The following ANK1 variants were observed in gnomAD, a reference collection of about 807,000 sequenced individuals.
ANK1 encodes the protein ankyrin-1.
In ANK1, 51 loss-of-function variants were observed where a neutral mutation model predicts 210.4. The observed-to-expected ratio is 0.24, with a 90% CI of 0.19 to 0.31. ANK1 has a LOEUF of 0.31. Ranked by LOEUF, ANK1 falls within the 10% of genes least tolerant of loss-of-function variation. The probability of loss-of-function intolerance (pLI) is 1.00; values close to 1 mark genes in which losing one functional copy is unlikely to be tolerated. For synonymous variants in ANK1, 967 were observed against 1,025.9 expected, an observed-to-expected ratio of 0.94 and a Z score of 1.10; for missense variants, 2,051 against 2,504.4, an observed-to-expected ratio of 0.82 and a Z score of 3.86.
chr8:41,696,500 C>G lies in ANK1; in HGVS notation c.2823G>C (p.Arg941=). 1 of 1,613,550 alleles carries G rather than the reference C, an allele frequency of 6.2e-7. No homozygotes were observed. The highest frequency in any genetic ancestry group is 8.5e-7 in the Non-Finnish European group (1 of 1,179,992). ...TGATGCGGGTGGGCGCTGCGCACGT[C>G]CGTGGCGGGATCACCACTCGCAGGC... ...HNGLRVVIPP[R]TCAAPTRITC... is the part of the protein sequence containing the mutation. The change falls in exon 26 of 43, where the codon CGG becomes CGC. Residue 941 remains arginine (R), a synonymous_variant. Coordinates refer to ENST00000289734, the MANE Select transcript of ANK1 (RefSeq NM_000037.4).
intron 37 of ANK1, 78 bp downstream of exon 37, chr8:41,684,466 G>T (rs760190588): frequency 1.3e-6 from 2 of 1,588,210 alleles, no homozygotes; most frequent in Non-Finnish European, 1.7e-6. Flanking sequence ...ATGACGTATT[G>T]TGGGAAGGGG....
intron 9 of ANK1, among the ~76,000 whole-genome samples, chr8:41,721,436 C>T (rs1829227641): frequency 6.6e-6 from 1 of 152,078 alleles, no homozygotes; most frequent in East Asian, 1.9e-4. Flanking sequence ...GTGGGCAGAT[C>T]ACTTGAGGCC....
At chr8:41,807,176 C>G (rs1247952819) in intron 1 of ANK1, among the ~76,000 whole-genome samples, 3 of 152,142 alleles carry the variant, frequency 2.0e-5, no homozygotes, top group Non-Finnish European at 4.4e-5. Context: ...CAGACACGGT[C>G]TAGAGTTTTG....
At chr8:41,876,767 C>A (rs534337092) in intron 1 of ANK1, among the ~76,000 whole-genome samples, 38 of 152,290 alleles carry the variant, frequency 2.5e-4, no homozygotes, top group African/African-American at 8.4e-4. Context: ...GGAATGGTAA[C>A]CCCTCATCTG....
At chr8:41,700,853 C>T (rs1036686370) in intron 22 of ANK1, among the ~76,000 whole-genome samples, 5 of 152,270 alleles carry the variant, frequency 3.3e-5, no homozygotes, top group African/African-American at 7.2e-5. Flanking sequence ...GCCTCAAGCT[C>T]CTGGACTCAA....
Position 41,704,577 on chromosome 8 carries a change from C to T in ANK1, c.2098-105G>A, listed in dbSNP as rs1824045204. Reference sequence around the variant, plus strand: ...CAAAGAGAGAACGGACAGGGAGCCCCTTGAAGGCTGACATTGACAAGCTGA... The same window carrying T: ...CAAAGAGAGAACGGACAGGGAGCCCTTTGAAGGCTGACATTGACAAGCTGA... On this transcript the variant is annotated intron_variant, in intron 18 of 42. Coordinates refer to ENST00000289734, the MANE Select transcript of ANK1 (RefSeq NM_000037.4). This position sits in a 1 kb window ranked among gnomAD's most constrained non-coding sequence, Gnocchi z 4.1. 3.0e-6 allele frequency: 3 copies of T among 1,000,684 alleles called. No homozygotes were observed. The highest frequency in any genetic ancestry group is 1.3e-5 in the South Asian group (1 of 75,398). 62.0% of individuals were successfully genotyped at this position (1,000,684 alleles called of 1,614,324 possible). A position where few individuals can be genotyped will look rare whatever the true frequency, so the allele number is the denominator to read the frequency against.
At chr8:41,751,015 T>A (rs1374293677) in intron 2 of ANK1, among the ~76,000 whole-genome samples, 1 of 152,188 alleles carries the variant, frequency 6.6e-6, no homozygotes, top group Non-Finnish European at 1.5e-5. Flanking sequence ...CAGTGGAACA[T>A]CCATGTCAAT....
chr8:41,812,655 G>T (rs1373617023), intron 1 of ANK1, among the ~76,000 whole-genome samples: 3 of 152,208 alleles, frequency 2.0e-5, no homozygotes, highest in African/African-American at 7.2e-5. Flanking sequence ...ATATACCAGA[G>T]AATAGCGGTC....
Position 41,727,926 on chromosome 8 carries a change from G to A in ANK1, c.309C>T (p.Asn103=), listed in dbSNP as rs778974540. ...VVRELVNYGA[N]VNAQSQKGFT... ...CCATTACCTGTGACTGGGCGTTGAC[G>A]TTGGCTCCATAGTTGACAAGCTCCC... Residue 103 remains asparagine (N), a synonymous_variant, in exon 4 of 43, where the codon AAC becomes AAT. Transcript: ENST00000289734. 3.1e-6 allele frequency: 5 copies of A among 1,614,048 alleles called. No individual in the cohort carries two copies. In the East Asian group the frequency reaches 8.9e-5, roughly 29 times the overall value.
chr8:41,883,533 C>T (rs1817956872), intron 1 of ANK1, among the ~76,000 whole-genome samples: 1 of 152,158 alleles, frequency 6.6e-6, no homozygotes, highest in Non-Finnish European at 1.5e-5. Flanking sequence ...AATCATAGTT[C>T]ACTGCAGCCT....
rs780120594 is a variant in ANK1, at chr8:41,714,175, G to C, written c.1781C>G (p.Ser594Cys). ...IVKLLLPRGG[S>C]PHSPAWNGYT... ...CCTTACCCAGGCAGGGCTGTGCGGG[G>C]AGCCGCCCCGGGGAAGCAGCAGCTT... The change falls in exon 16 of 43, where the codon TCC (serine) becomes TGC (cysteine). Residue 594 changes from serine (S) to cysteine (C), a missense_variant. By Grantham distance (112) the Ser-to-Cys change is moderately radical. This residue lies in a region of ANK1 where 1,413 missense variants were observed against 1,707.4 expected (regional missense o/e 0.83). Transcript: ENST00000289734. 1 of 1,448,238 alleles carries C rather than the reference G, an allele frequency of 6.9e-7. No individual in the cohort carries two copies. The highest frequency in any genetic ancestry group is 9.2e-7 in the Non-Finnish European group (1 of 1,084,142). 89.7% of individuals were successfully genotyped at this position (1,448,238 alleles called of 1,614,324 possible). A position where few individuals can be genotyped will look rare whatever the true frequency, so the allele number is the denominator to read the frequency against.
intron 9 of ANK1, among the ~76,000 whole-genome samples, chr8:41,721,939 T>A (rs1466771053): frequency 6.6e-6 from 1 of 152,202 alleles, no homozygotes; most frequent in Non-Finnish European, 1.5e-5. Context: ...AAACAAAAAA[T>A]CTTAACTTCT....
chr8:41,712,761 T>C (rs1826501065), intron 16 of ANK1, among the ~76,000 whole-genome samples: 1 of 152,226 alleles, frequency 6.6e-6, no homozygotes, highest in Admixed American at 6.5e-5. Context: ...AACTATTTTT[T>C]GCCATGGAAA....
intron 1 of ANK1, among the ~76,000 whole-genome samples, chr8:41,852,740 TG>T (rs1811492745): frequency 6.6e-6 from 1 of 152,216 alleles, no homozygotes. Context: ...ACGCCACTGG[TG>T]GGTGTTGGAG....
intron 1 of ANK1, among the ~76,000 whole-genome samples, chr8:41,841,103 A>C (rs1171632160): frequency 6.6e-6 from 1 of 152,202 alleles, no homozygotes; most frequent in Non-Finnish European, 1.5e-5. Context: ...CTGCAGCCCC[A>C]CATTCACTGC....
chr8:41,896,685 C>A (rs1170272941), exon 1 of ANK1: 6 of 519,256 alleles, frequency 1.2e-5, no homozygotes, highest in Non-Finnish European at 1.6e-5. Context: ...GCCCGCGGCC[C>A]GGGATGGCGC....
intron 42 of ANK1, among the ~76,000 whole-genome samples, chr8:41,656,394 C>A (rs1468557534): frequency 6.6e-6 from 1 of 152,230 alleles, no homozygotes; most frequent in Non-Finnish European, 1.5e-5. Context: ...CTCCCCATGC[C>A]CCTCAGATGG....
chr8:41,723,979 G>A (rs998729094), intron 7 of ANK1, among the ~76,000 whole-genome samples: 8 of 151,380 alleles, frequency 5.3e-5, no homozygotes, highest in Non-Finnish European at 7.4e-5. Context: ...TAGTAGAGAC[G>A]GGGTTTCACC....
At chr8:41,887,575 T>TA (rs1818679556) in intron 1 of ANK1, among the ~76,000 whole-genome samples, 1 of 152,056 alleles carries the variant, frequency 6.6e-6, no homozygotes, top group Non-Finnish European at 1.5e-5. Context: ...GAACAATTAT[T>TA]AAAAATACAG....
Sources: gnomAD v4.1 joint callset for allele counts (sites outside exome capture counted in the v4.1 genomes callset) on GRCh38, gnomAD v4.1.1 for gene constraint, gnomAD v4.1.1 regional missense constraint, Gnocchi (gnomAD v3.1) non-coding constraint, MANE v1.5 for transcripts, NCBI Gene and HGNC (gene_info 2026-07-23, HGNC 2026-07-21) for gene names.